The following FNDC3B variants were observed in gnomAD, a reference collection of about 807,000 sequenced individuals.
FNDC3B encodes fibronectin type III domain containing 3B, also known as fibronectin type III domain-containing protein 3B.
FNDC3B carries 12 observed loss-of-function variants against 151.5 expected under a neutral mutation model. That is an observed-to-expected ratio of 0.08 (90% CI 0.05 to 0.13). FNDC3B has a LOEUF of 0.13. Ranked by LOEUF, FNDC3B falls within the 10% of genes least tolerant of loss-of-function variation. The pLI is 1.00. For missense variants in FNDC3B, 1,214 were observed against 1,505.3 expected (o/e 0.81, Z 3.20); for synonymous variants, 528 against 549.0 (o/e 0.96, Z 0.54).
At chr3:172,204,356 G>T (rs1321858719) in intron 3 of FNDC3B, among the ~76,000 whole-genome samples, 1 of 152,100 alleles carries the variant, frequency 6.6e-6, no homozygotes, top group African/African-American at 2.4e-5. Flanking sequence ...ACCATTTGTG[G>T]CCAAGTTTTC....
Position 172,300,099 on chromosome 3 carries a change from A to C in FNDC3B, c.1061+1312A>C, listed in dbSNP as rs571003303. Among the ~76,000 whole-genome samples, 3 of 152,340 alleles carry C rather than the reference A, an allele frequency of 2.0e-5. No homozygotes were observed. The East Asian group carries it at 5.8e-4, about 29-fold the overall frequency. ...GTTTAAATCAAAACTTTGGATTTTG[A>C]GTCAATTAGCTTCCGCCCAAACGTA... On this transcript the variant is annotated intron_variant, in intron 9 of 25. Coordinates refer to ENST00000415807, the MANE Select transcript of FNDC3B (RefSeq NM_022763.4).
chr3:172,114,136 G>A (rs1353328915), intron 2 of FNDC3B, among the ~76,000 whole-genome samples: 1 of 152,168 alleles, frequency 6.6e-6, no homozygotes, highest in Non-Finnish European at 1.5e-5. Flanking sequence ...TACACCTGGA[G>A]TGAAATCCAG....
intron 3 of FNDC3B, among the ~76,000 whole-genome samples, chr3:172,192,584 A>G (rs1724583707): frequency 6.6e-6 from 1 of 152,162 alleles, no homozygotes; most frequent in African/African-American, 2.4e-5. Context: ...GTTCTTGATT[A>G]TAGCAGAGGC....
At chr3:172,128,606 T>C (rs897605876) in intron 2 of FNDC3B, among the ~76,000 whole-genome samples, 1 of 151,870 alleles carries the variant, frequency 6.6e-6, no homozygotes, top group African/African-American at 2.4e-5. Flanking sequence ...GACCAGAAAA[T>C]AGTAGCATGA....
In FNDC3B at chr3:172,382,555, C is replaced by T. The variant is rs551441411; in HGVS notation, c.3303+1462C>T. Among the ~76,000 whole-genome samples, 64 of 152,194 alleles carry T rather than the reference C, an allele frequency of 4.2e-4. 1 individual carries two copies. Among genetic ancestry groups the T allele is most frequent in the Admixed American group, 8.5e-4 (13 of 15,284 alleles). The stretch of plus-strand genomic sequence containing the variant: ...GAAGTCTTTACCCATGCCTATGTTC[C>T]GAATGGTATTGCCTAGGTTTTCTTC... On this transcript the variant is annotated intron_variant, in intron 25 of 25. Transcript: ENST00000415807.
intron 1 of FNDC3B, among the ~76,000 whole-genome samples, chr3:172,082,361 C>T (rs998905302): frequency 1.1e-4 from 16 of 152,208 alleles, no homozygotes; most frequent in Non-Finnish European, 1.3e-4. Flanking sequence ...GCTGATGTAA[C>T]GACACAGCTG....
chr3:172,362,664 G>C lies in FNDC3B; in HGVS notation c.2827G>C (p.Ala943Pro). 1 of 1,613,874 alleles carries C rather than the reference G, an allele frequency of 6.2e-7. No individual in the cohort carries two copies. Among genetic ancestry groups the C allele is most frequent in the Non-Finnish European group, 8.5e-7 (1 of 1,179,922 alleles). ...AATTCAGGCTATAAATGAAATTGGAGCTGGACCATTTAGTCAGTTCATTAA... is the reference window on the plus strand; with the variant it reads ...AATTCAGGCTATAAATGAAATTGGACCTGGACCATTTAGTCAGTTCATTAA... ...IRIQAINEIGAGPFSQFIKAK... is the reference protein window; with the variant it reads ...IRIQAINEIGPGPFSQFIKAK... Residue 943 changes from alanine to proline, a missense_variant, in exon 23 of 26, where the codon GCT becomes CCT. This residue lies in a region of FNDC3B where 284 missense variants were observed against 392.4 expected (regional missense o/e 0.72). Coordinates refer to ENST00000415807, the MANE Select transcript of FNDC3B (RefSeq NM_022763.4).
At chr3:172,236,711 A>G (rs1297533347) in intron 4 of FNDC3B, among the ~76,000 whole-genome samples, 1 of 152,146 alleles carries the variant, frequency 6.6e-6, no homozygotes, top group Non-Finnish European at 1.5e-5. Flanking sequence ...ACTCTGGGCT[A>G]TAGTAAAGTG....
chr3:172,271,697 AGGT>A (rs1380183739), intron 6 of FNDC3B, among the ~76,000 whole-genome samples: 2 of 152,194 alleles, frequency 1.3e-5, no homozygotes, highest in Non-Finnish European at 1.5e-5. Context: ...GAGAGTTCTT[AGGT>A]AAACGTCAAG....
At chr3:172,216,089 A>C (rs1183245318) in intron 3 of FNDC3B, among the ~76,000 whole-genome samples, 1 of 152,050 alleles carries the variant, frequency 6.6e-6, no homozygotes, top group African/African-American at 2.4e-5. Flanking sequence ...AAAGAGAGAA[A>C]ATGCTGGGAT....
At chr3:172,068,087 C>A (rs1717587592) in intron 1 of FNDC3B, among the ~76,000 whole-genome samples, 1 of 152,226 alleles carries the variant, frequency 6.6e-6, no homozygotes, top group African/African-American at 2.4e-5. Flanking sequence ...CCTGGTGGAT[C>A]CCATTCTGTA....
At chr3:172,245,766 G>A (rs1005518369) in intron 4 of FNDC3B, among the ~76,000 whole-genome samples, 12 of 152,132 alleles carry the variant, frequency 7.9e-5, no homozygotes, top group Non-Finnish European at 1.6e-4. Flanking sequence ...GCTTGCCAAG[G>A]CCCAGAAGAG....
At position 172,333,079 on chromosome 3, in the gene FNDC3B, G is replaced by C. The variant is rs781712808; in HGVS notation, c.1555-10G>C. On this transcript the variant is annotated splice_polypyrimidine_tract_variant and intron_variant, in intron 13 of 25. Coordinates refer to ENST00000415807, the MANE Select transcript of FNDC3B (RefSeq NM_022763.4). ...TATACTGATGTTTCTTCCTGGCTTT[G>C]CCTTTTCAGGATAACCTTTTCCACC... 6 of 1,585,868 alleles carry C rather than the reference G, an allele frequency of 3.8e-6. No individual in the cohort carries two copies. The Admixed American group carries it at 6.7e-5, about 18-fold the overall frequency.
At chr3:172,110,844 A>T (rs905349529) in intron 1 of FNDC3B, among the ~76,000 whole-genome samples, 1 of 152,214 alleles carries the variant, frequency 6.6e-6, no homozygotes, top group African/African-American at 2.4e-5. Context: ...CATCATACTT[A>T]GCACTTTGGG....
intron 10 of FNDC3B, among the ~76,000 whole-genome samples, chr3:172,309,114 C>T (rs145615114): frequency 6.6e-6 from 1 of 152,182 alleles, no homozygotes. Flanking sequence ...CAGAAACATA[C>T]TCTTGTTCCA....
chr3:172,372,010 C>G (rs1452094827), intron 23 of FNDC3B, among the ~76,000 whole-genome samples: 1 of 152,184 alleles, frequency 6.6e-6, no homozygotes, highest in Non-Finnish European at 1.5e-5. Flanking sequence ...CCTTCATCAT[C>G]CCTTTTAATT....
intron 3 of FNDC3B, among the ~76,000 whole-genome samples, chr3:172,222,799 G>A (rs1472268381): frequency 6.6e-6 from 1 of 152,188 alleles, no homozygotes; most frequent in Non-Finnish European, 1.5e-5. Context: ...AGTGGTCCGT[G>A]GCCTGGGGAT....
chr3:172,224,245 CAAG>C (rs1726437461), intron 3 of FNDC3B, among the ~76,000 whole-genome samples: 1 of 152,120 alleles, frequency 6.6e-6, no homozygotes, highest in African/African-American at 2.4e-5. Flanking sequence ...CTGAGGCTGA[CAAG>C]AAAAATGGAT....
chr3:172,273,374 G>T (rs1321386395), intron 6 of FNDC3B, among the ~76,000 whole-genome samples: 1 of 152,104 alleles, frequency 6.6e-6, no homozygotes. Context: ...TAGAAAAAAA[G>T]TCCCCTAAAG....
Sources: allele counts gnomAD v4.1 joint callset (sites outside exome capture counted in the v4.1 genomes callset), GRCh38; gene constraint gnomAD v4.1.1; regional missense constraint gnomAD v4.1.1; transcripts MANE v1.5; gene names NCBI Gene and HGNC (gene_info 2026-07-23, HGNC 2026-07-21).